EBF1: variants seen among roughly 807,000 people sequenced by gnomAD.
EBF1 encodes transcription factor COE1.
A neutral mutation model predicts 68.4 loss-of-function variants in EBF1; 10 were observed. That is an observed-to-expected ratio of 0.15 (90% confidence interval 0.09 to 0.25). The LOEUF (loss-of-function observed/expected upper bound fraction) is 0.25, where lower values mean the gene tolerates loss of function less well. Among genes scored for constraint, EBF1 ranks in the 10% least tolerant of loss-of-function variants. The probability of loss-of-function intolerance (pLI) is 1.00; values close to 1 mark genes in which losing one functional copy is unlikely to be tolerated. For synonymous variants in EBF1, 298 were observed against 299.8 expected, an observed-to-expected ratio of 0.99 and a Z score of 0.06; for missense variants, 509 against 794.4, an observed-to-expected ratio of 0.64 and a Z score of 4.32.
chr5:158,786,162 A>G (rs187801211), intron 9 of EBF1, among the ~76,000 whole-genome samples: 3 of 152,134 alleles, frequency 2.0e-5, no homozygotes, highest in African/African-American at 7.2e-5. Flanking sequence ...CAAACAAACA[A>G]CAACAAAAAA....
intron 10 of EBF1, among the ~76,000 whole-genome samples, chr5:158,763,891 C>G (rs1460586702): frequency 6.6e-6 from 1 of 152,150 alleles, no homozygotes; most frequent in African/African-American, 2.4e-5. Context: ...TCAGCTGCCT[C>G]CTCTACAAAA....
Position 159,093,430 on chromosome 5 carries a change from G to A in EBF1, c.411+2190C>T, listed in dbSNP as rs1047787512. 2.0e-5 allele frequency among the ~76,000 whole-genome samples: 3 copies of A among 152,228 alleles called. No individual in the cohort carries two copies. In the East Asian group the frequency reaches 5.8e-4, roughly 29 times the overall value. ...TTATAATTTTGACTTTTACTGAGAT[G>A]TCATATTATGGCAAATGACTTTCTC... On this transcript the variant is annotated intron_variant, in intron 4 of 15. Coordinates refer to ENST00000313708, the MANE Select transcript of EBF1 (RefSeq NM_024007.5).
chr5:159,079,187 C>T (rs993712241), intron 5 of EBF1, among the ~76,000 whole-genome samples: 3 of 152,152 alleles, frequency 2.0e-5, no homozygotes, highest in South Asian at 2.1e-4. Flanking sequence ...GATCCATCCT[C>T]GTCACACTAA....
chr5:159,075,714 C>G (rs1371953145), intron 5 of EBF1, among the ~76,000 whole-genome samples: 1 of 152,152 alleles, frequency 6.6e-6, no homozygotes, highest in Non-Finnish European at 1.5e-5. Context: ...TCTCACTGCC[C>G]AAGACTTTTT....
intron 5 of EBF1, among the ~76,000 whole-genome samples, chr5:159,076,039 T>G (rs1778718614): frequency 6.6e-6 from 1 of 151,994 alleles, no homozygotes; most frequent in Admixed American, 6.5e-5. Flanking sequence ...TCCTGTTTTT[T>G]TTTTTCCTTT....
intron 6 of EBF1, among the ~76,000 whole-genome samples, chr5:158,957,955 G>A (rs917304076): frequency 6.6e-6 from 1 of 151,824 alleles, no homozygotes; most frequent in Non-Finnish European, 1.5e-5. Context: ...GGCTTAGAGG[G>A]AAAAAGGAAA....
intron 6 of EBF1, among the ~76,000 whole-genome samples, chr5:158,859,839 C>T (rs10515773): frequency 0.017 from 2,620 of 152,316 alleles, 29 homozygotes; most frequent in Admixed American, 0.026. Context: ...TTGTTGATAT[C>T]TCATCGGTCA....
chr5:158,810,483 T>C (rs1421692386), intron 8 of EBF1, among the ~76,000 whole-genome samples: 2 of 152,156 alleles, frequency 1.3e-5, no homozygotes, highest in Non-Finnish European at 2.9e-5. Flanking sequence ...TTTATTACTT[T>C]GCCCCAAGGA....
intron 10 of EBF1, among the ~76,000 whole-genome samples, chr5:158,741,876 G>C (rs1766488381): frequency 6.6e-6 from 1 of 152,124 alleles, no homozygotes; most frequent in South Asian, 2.1e-4. Context: ...ACTTCCTAAG[G>C]ACTTACTGTG....
At position 158,909,166 on chromosome 5, in the gene EBF1, G is replaced by A. The variant is rs182279091; in HGVS notation, c.555-69056C>T. On this transcript the variant is annotated intron_variant, in intron 6 of 15. Coordinates refer to ENST00000313708, the MANE Select transcript of EBF1 (RefSeq NM_024007.5). Reference sequence around the variant, plus strand: ...AGAAAAAGAAAGAAAGAACAGAAATGTGAGATGTGAAATGCACGAAGGTGT... The same window carrying A: ...AGAAAAAGAAAGAAAGAACAGAAATATGAGATGTGAAATGCACGAAGGTGT... Among the ~76,000 whole-genome samples the A allele has an allele frequency of 2.0e-3, 307 of 152,180 alleles. 3 individuals are homozygous for A. Among genetic ancestry groups the A allele is most frequent in the African/African-American group, 7.2e-3 (300 of 41,528 alleles).
chr5:159,050,432 C>T (rs929316879), intron 6 of EBF1, among the ~76,000 whole-genome samples: 1 of 152,110 alleles, frequency 6.6e-6, no homozygotes, highest in East Asian at 1.9e-4. Context: ...CAAGAGGAGA[C>T]AACAATAAAT....
chr5:158,990,871 T>A (rs753615861), intron 6 of EBF1, among the ~76,000 whole-genome samples: 2 of 152,234 alleles, frequency 1.3e-5, no homozygotes, highest in Non-Finnish European at 1.5e-5. Context: ...ACTCAAGACA[T>A]GGGCTAATCT....
chr5:159,027,288 A>G (rs1286628611), intron 6 of EBF1, among the ~76,000 whole-genome samples: 1 of 152,080 alleles, frequency 6.6e-6, no homozygotes, highest in African/African-American at 2.4e-5. Context: ...CTATTAATCT[A>G]TCATTTATCC....
intron 8 of EBF1, among the ~76,000 whole-genome samples, chr5:158,814,711 G>A (rs1231899344): frequency 6.6e-6 from 1 of 152,138 alleles, no homozygotes; most frequent in Non-Finnish European, 1.5e-5. Flanking sequence ...ACGTGCCAGA[G>A]AGCCCATATG....
intron 8 of EBF1, among the ~76,000 whole-genome samples, chr5:158,809,373 TA>T (rs1782180573): frequency 6.6e-6 from 1 of 152,156 alleles, no homozygotes; most frequent in African/African-American, 2.4e-5. Flanking sequence ...ACACCCAAAC[TA>T]CGCTTCAACT....
intron 5 of EBF1, among the ~76,000 whole-genome samples, chr5:159,082,466 A>T (rs1280182954): frequency 2.0e-5 from 3 of 152,202 alleles, no homozygotes; most frequent in Non-Finnish European, 4.4e-5. Flanking sequence ...AGCCTGATTA[A>T]TGGGGAACAG....
intron 6 of EBF1, among the ~76,000 whole-genome samples, chr5:158,899,821 T>C (rs1185959815): frequency 6.6e-6 from 1 of 152,192 alleles, no homozygotes; most frequent in Non-Finnish European, 1.5e-5. Context: ...GGATGGCCAT[T>C]TCCATGAGAA....
chr5:159,072,162 G>A (rs766987254), intron 6 of EBF1, among the ~76,000 whole-genome samples: 30 of 152,010 alleles, frequency 2.0e-4, no homozygotes, highest in Admixed American at 5.2e-4. Flanking sequence ...ACTCTTATAT[G>A]GAGCAAAAAT....
chr5:158,858,314 G>A (rs897371189), intron 6 of EBF1, among the ~76,000 whole-genome samples: 3 of 152,166 alleles, frequency 2.0e-5, no homozygotes, highest in African/African-American at 7.2e-5. Context: ...AGACCCGCCT[G>A]ACACATGCTG....
Sources: allele counts gnomAD v4.1 joint callset (sites outside exome capture counted in the v4.1 genomes callset), GRCh38; gene constraint gnomAD v4.1.1; transcripts MANE v1.5; gene names NCBI Gene and HGNC (gene_info 2026-07-23, HGNC 2026-07-21).